Variants in PPP2R2C observed in about 807,000 individuals in gnomAD.
The protein encoded by PPP2R2C is protein phosphatase 2 regulatory subunit Bgamma, also known as protein phosphatase 2, regulatory subunit B, gamma.
A neutral mutation model predicts 45.3 loss-of-function variants in PPP2R2C; 10 were observed. That is an observed-to-expected ratio of 0.22 (90% CI 0.14 to 0.37). PPP2R2C has a LOEUF of 0.37. Among genes scored for constraint, PPP2R2C ranks in the 10% least tolerant of loss-of-function variants. The pLI, the probability that PPP2R2C is intolerant of heterozygous loss-of-function variation, is 1.00. For synonymous variants in PPP2R2C, 257 were observed against 245.4 expected (o/e 1.05, Z -0.44); for missense variants, 308 against 619.7 (o/e 0.50, Z 5.34).
At chr4:6,501,434 G>A (rs554580541) in intron 2 of PPP2R2C, among the ~76,000 whole-genome samples, 32 of 152,184 alleles carry the variant, frequency 2.1e-4, no homozygotes, top group South Asian at 4.1e-4. Context: ...GAGACCCTCC[G>A]AGTTTCCCAG....
At chr4:6,391,369 C>A (rs1033665431) in intron 1 of PPP2R2C, among the ~76,000 whole-genome samples, 5 of 152,204 alleles carry the variant, frequency 3.3e-5, no homozygotes, top group African/African-American at 1.2e-4. Flanking sequence ...CGAGCCATGG[C>A]AGGCGCTGTG....
chr4:6,484,618 A>G (rs1184737302), intron 2 of PPP2R2C, among the ~76,000 whole-genome samples: 1 of 151,618 alleles, frequency 6.6e-6, no homozygotes, highest in Non-Finnish European at 1.5e-5. Flanking sequence ...ATCCACTCCC[A>G]TAGTATATCT....
At chr4:6,514,484 CTGAG>C (rs1036338862) in intron 2 of PPP2R2C, among the ~76,000 whole-genome samples, 1 of 152,132 alleles carries the variant, frequency 6.6e-6, no homozygotes, top group African/African-American at 2.4e-5. Flanking sequence ...AGGAGTGGAG[CTGAG>C]TATTTGTCCC....
chr4:6,467,445 C>G (rs1721652636), intron 1 of PPP2R2C, among the ~76,000 whole-genome samples: 1 of 152,134 alleles, frequency 6.6e-6, no homozygotes, highest in Non-Finnish European at 1.5e-5. Context: ...GGGTCAGACC[C>G]CACCAGGAAC....
At chr4:6,408,879 T>TTC (rs1239307898) in intron 1 of PPP2R2C, among the ~76,000 whole-genome samples, 1 of 150,620 alleles carries the variant, frequency 6.6e-6, no homozygotes, top group Non-Finnish European at 1.5e-5. Flanking sequence ...GTGGCTTTTT[T>TTC]TTTTTTTTTT....
At chr4:6,410,861 ATTTATTTAT>A (rs1327814254) in intron 1 of PPP2R2C, among the ~76,000 whole-genome samples, 1 of 146,710 alleles carries the variant, frequency 6.8e-6, no homozygotes, top group African/African-American at 2.6e-5. Flanking sequence ...TTATTTATTT[ATTTATTTAT>A]TTATTTATTT....
At chr4:6,515,160 G>T (rs1723791418) in intron 2 of PPP2R2C, among the ~76,000 whole-genome samples, 1 of 152,182 alleles carries the variant, frequency 6.6e-6, no homozygotes, top group Non-Finnish European at 1.5e-5. Context: ...AATACAGGTG[G>T]CGGCTGGTCA....
chr4:6,378,678 G>A lies in PPP2R2C; in HGVS notation c.169-106C>T, dbSNP rs191926395. 11 of 1,208,012 alleles carry A rather than the reference G, an allele frequency of 9.1e-6. No homozygotes were observed. The highest frequency in any genetic ancestry group is 4.5e-5 in the Admixed American group (2 of 44,300). The allele number at this position is 1,208,012 out of a possible 1,614,324, so 74.8% of individuals were successfully genotyped here. A position where few individuals can be genotyped will look rare whatever the true frequency, so the allele number is the denominator to read the frequency against. On this transcript the variant is annotated intron_variant, in intron 2 of 8. Coordinates refer to ENST00000382599, the MANE Select transcript of PPP2R2C (RefSeq NM_020416.4). The surrounding 1 kb of genome is among the most constrained non-coding windows in gnomAD (Gnocchi z 5.2). ...CGGCCGTGGGACCAAGTGCCGAGCC[G>A]TGCCAGGGATCCAATTCGAGGGTCA...
rs189352859 is a variant in PPP2R2C at position 6,405,290 on chromosome 4, C to T, written c.71-24196G>A. On this transcript the variant is annotated intron_variant, in intron 1 of 8. Coordinates refer to ENST00000382599, the MANE Select transcript of PPP2R2C (RefSeq NM_020416.4). ...TCAGGGCGGCTCCATAGCCACTCTGCTCTTCCCACAGCAGCCTGGCTGCTC... is the reference window on the plus strand; with the variant it reads ...TCAGGGCGGCTCCATAGCCACTCTGTTCTTCCCACAGCAGCCTGGCTGCTC... Among the ~76,000 whole-genome samples, 45 of 152,334 alleles carry T rather than the reference C, an allele frequency of 3.0e-4. No homozygotes were observed. The East Asian group carries it at 5.0e-3, about 17-fold the overall frequency.
chr4:6,478,796 G>A (rs183738831), intron 2 of PPP2R2C, among the ~76,000 whole-genome samples: 2 of 152,338 alleles, frequency 1.3e-5, no homozygotes, highest in Non-Finnish European at 2.9e-5. Context: ...CTCCTGCTGC[G>A]TGTGCATCTC....
intron 6 of PPP2R2C, among the ~76,000 whole-genome samples, chr4:6,346,430 T>C (rs909575662): frequency 6.6e-6 from 1 of 152,064 alleles, no homozygotes; most frequent in Non-Finnish European, 1.5e-5. Flanking sequence ...AGGGAGGCCC[T>C]CCCTGACCCC....
At chr4:6,413,178 C>T (rs1718300787) in intron 1 of PPP2R2C, among the ~76,000 whole-genome samples, 1 of 152,028 alleles carries the variant, frequency 6.6e-6, no homozygotes, top group East Asian at 1.9e-4. Context: ...CACGCTCTCA[C>T]ACTCACATTC....
rs1389875178 is a variant in PPP2R2C, at chr4:6,330,598, C to G, written c.961-1245G>C. On this transcript the variant is annotated intron_variant, in intron 7 of 8. Transcript: ENST00000382599. This position sits in a 1 kb window ranked among gnomAD's most constrained non-coding sequence, Gnocchi z 7.0. Reference sequence around the variant, plus strand: ...GCGTGTGGGCTCGCATAGTCACTCTCCCCTGGGTCACCAGCCTGCCCGCCT... The same window carrying G: ...GCGTGTGGGCTCGCATAGTCACTCTGCCCTGGGTCACCAGCCTGCCCGCCT... 2.0e-5 allele frequency among the ~76,000 whole-genome samples: 3 copies of G among 152,182 alleles called. No homozygotes were observed. The highest frequency in any genetic ancestry group is 7.2e-5 in the African/African-American group (3 of 41,422).
At position 6,450,597 on chromosome 4, in the gene PPP2R2C, G is replaced by A. The variant is rs573711083; in HGVS notation, c.70+21563C>T. On this transcript the variant is annotated intron_variant, in intron 1 of 8. Transcript: ENST00000382599. ...GGGAGGGGCCTAAGGAACGCCAGGA[G>A]AGACCCCAGACACAGCACCCACCCA... is the stretch of plus-strand genomic sequence containing the variant. 1.3e-5 allele frequency among the ~76,000 whole-genome samples: 2 copies of A among 152,294 alleles called. 1 individual carries two copies. The highest frequency in any genetic ancestry group is 4.1e-4 in the South Asian group (2 of 4,826).
intron 1 of PPP2R2C, chr4:6,414,080 G>C: frequency 2.5e-6 from 1 of 393,128 alleles, no homozygotes; most frequent in South Asian, 4.8e-5. Flanking sequence ...CTGTGTATGT[G>C]TGTGTGTGTG....
chr4:6,492,910 G>C (rs1577219624), intron 2 of PPP2R2C, among the ~76,000 whole-genome samples: 1 of 152,108 alleles, frequency 6.6e-6, no homozygotes, highest in East Asian at 1.9e-4. Context: ...ATTCTGACCT[G>C]CCAAGACAAT....
intron 6 of PPP2R2C, among the ~76,000 whole-genome samples, chr4:6,339,092 C>T (rs1180398883): frequency 2.0e-5 from 3 of 152,254 alleles, no homozygotes; most frequent in Admixed American, 1.3e-4. Context: ...AACTCCTATA[C>T]ATCCTCTAGA....
intron 1 of PPP2R2C, among the ~76,000 whole-genome samples, chr4:6,558,975 C>A (rs182271952): frequency 8.5e-5 from 13 of 152,342 alleles, no homozygotes; most frequent in African/African-American, 3.1e-4. Flanking sequence ...GATGGGACAC[C>A]AGCCTCCAGC....
At chr4:6,423,973 T>A (rs1383671268) in intron 1 of PPP2R2C, among the ~76,000 whole-genome samples, 1 of 152,214 alleles carries the variant, frequency 6.6e-6, no homozygotes, top group Non-Finnish European at 1.5e-5. Context: ...GTCCATTCAC[T>A]GCCCACCTGG....
Sources: allele counts gnomAD v4.1 joint callset (sites outside exome capture counted in the v4.1 genomes callset), GRCh38; gene constraint gnomAD v4.1.1; non-coding constraint Gnocchi (gnomAD v3.1); transcripts MANE v1.5; gene names NCBI Gene and HGNC (gene_info 2026-07-23, HGNC 2026-07-21).